Variants in EPHA4 observed in about 807,000 individuals in gnomAD.
EPHA4 encodes the protein ephrin type-A receptor 4.
Under a neutral mutation model 108.3 loss-of-function variants are expected in EPHA4, and 19 were observed. That is an observed-to-expected ratio of 0.18 (90% confidence interval 0.12 to 0.26). The LOEUF is 0.26. EPHA4 is among the 10% of genes least tolerant of loss of function. The pLI, the probability that EPHA4 is intolerant of heterozygous loss-of-function variation, is 1.00. For missense variants in EPHA4, 917 were observed against 1,254.0 expected (o/e 0.73, Z 4.06); for synonymous variants, 449 against 455.5 (o/e 0.99, Z 0.18).
chr2:221,525,706 A>G (rs966631896), intron 3 of EPHA4, among the ~76,000 whole-genome samples: 5 of 152,170 alleles, frequency 3.3e-5, no homozygotes, highest in African/African-American at 9.7e-5. Flanking sequence ...CCAGCACTCA[A>G]TACACCACTA....
At chr2:221,504,311 T>C (rs1013252092) in intron 3 of EPHA4, among the ~76,000 whole-genome samples, 3 of 152,010 alleles carry the variant, frequency 2.0e-5, no homozygotes, top group Admixed American at 2.0e-4. Flanking sequence ...TTGCTTTAAT[T>C]ATCTCTTTCT....
intron 4 of EPHA4, among the ~76,000 whole-genome samples, chr2:221,489,068 A>G (rs1207743924): frequency 6.6e-6 from 1 of 152,194 alleles, no homozygotes; most frequent in African/African-American, 2.4e-5. Context: ...AGCCAACACT[A>G]AACCTAAAGT....
chr2:221,435,522 C>T (rs137979776), intron 13 of EPHA4, among the ~76,000 whole-genome samples: 1 of 152,052 alleles, frequency 6.6e-6, no homozygotes, highest in Non-Finnish European at 1.5e-5. Context: ...ACAAAAAACC[C>T]CCATTGCTTG....
chr2:221,528,333 C>T (rs1002067554), intron 3 of EPHA4, among the ~76,000 whole-genome samples: 5 of 152,158 alleles, frequency 3.3e-5, no homozygotes, highest in Middle Eastern at 3.2e-3. Flanking sequence ...AATCCAGGCT[C>T]GGTAACCATT....
chr2:221,479,448 T>C (rs1410687699), intron 5 of EPHA4, among the ~76,000 whole-genome samples: 1 of 152,218 alleles, frequency 6.6e-6, no homozygotes, highest in Non-Finnish European at 1.5e-5. Context: ...CCACTAACTT[T>C]TGTAGCCTCC....
chr2:221,489,191 T>G (rs1175791927), intron 4 of EPHA4, among the ~76,000 whole-genome samples: 1 of 152,214 alleles, frequency 6.6e-6, no homozygotes. Context: ...ATTTCTTTAT[T>G]CTTACAGGAA....
chr2:221,564,475 A>T, intron 2 of EPHA4, 81 bp from the exon 3 acceptor site: 1 of 1,383,148 alleles, frequency 7.2e-7, no homozygotes, highest in Non-Finnish European at 9.9e-7. Context: ...TTCTCATAGG[A>T]CACCTGATTA....
intron 4 of EPHA4, among the ~76,000 whole-genome samples, chr2:221,487,163 G>A (rs1311242652): frequency 2.0e-5 from 3 of 152,118 alleles, no homozygotes; most frequent in Admixed American, 6.5e-5. Flanking sequence ...GGTGTATCTA[G>A]TGTTTATCAC....
At chr2:221,530,900 C>G (rs56874449) in intron 3 of EPHA4, among the ~76,000 whole-genome samples, 3,516 of 152,204 alleles carry the variant, frequency 0.023, 111 homozygotes, top group African/African-American at 0.071. Flanking sequence ...ACCACCTCCC[C>G]CTCCAAGTAC....
rs1251085367 is a variant in EPHA4 at position 221,418,790 on chromosome 2, C to A, written c.*2582G>T. The A allele has an allele frequency of 2.0e-5, 3 of 152,488 alleles. No homozygotes were observed. The highest frequency in any genetic ancestry group is 2.9e-5 in the Non-Finnish European group (2 of 68,068). 9.4% of individuals were successfully genotyped at this position (152,488 alleles called of 1,614,324 possible). Reference sequence around the variant, plus strand: ...CAGGGCTTGCCCACGGGCTCAGACCCAGACCCTGAAGTTGGCCTCCTACCC... The same window carrying A: ...CAGGGCTTGCCCACGGGCTCAGACCAAGACCCTGAAGTTGGCCTCCTACCC... On this transcript the variant is annotated 3_prime_UTR_variant, in exon 18 of 18. Transcript: ENST00000281821.
chr2:221,448,755 G>A (rs144741821), intron 8 of EPHA4, among the ~76,000 whole-genome samples: 2 of 152,076 alleles, frequency 1.3e-5, no homozygotes, highest in African/African-American at 2.4e-5. Context: ...TTAAGATCTC[G>A]AACACTGATT....
chr2:221,487,365 C>T (rs1462521474), intron 4 of EPHA4, among the ~76,000 whole-genome samples: 1 of 152,128 alleles, frequency 6.6e-6, no homozygotes, highest in African/African-American at 2.4e-5. Flanking sequence ...GCTGTGTAAC[C>T]AGCGACGGCT....
intron 3 of EPHA4, among the ~76,000 whole-genome samples, chr2:221,516,248 G>T (rs1316750699): frequency 6.6e-6 from 1 of 152,022 alleles, no homozygotes; most frequent in Non-Finnish European, 1.5e-5. Flanking sequence ...GTTTCTAGGG[G>T]TCAGTTTCCT....
At chr2:221,443,347 C>T in intron 10 of EPHA4, 146 bp downstream of exon 10, 1 of 600,692 alleles carries the variant, frequency 1.7e-6, no homozygotes, top group Non-Finnish European at 2.9e-6. Context: ...TTCTTTATAA[C>T]ACATGATATT....
chr2:221,520,736 C>T (rs1574630756), intron 3 of EPHA4, among the ~76,000 whole-genome samples: 1 of 152,162 alleles, frequency 6.6e-6, no homozygotes, highest in Non-Finnish European at 1.5e-5. Flanking sequence ...TTCATGTAAT[C>T]TCTGATTTTG....
In EPHA4 at chr2:221,442,893, C is replaced by T; in HGVS notation, c.2010G>A (p.Glu670=). ...GGTCAAACTGTCCCATGATGCTGGC[C>T]TCACTCAGGAAGTCTCTCCTCTGTT... ...TDKQRRDFLS[E]ASIMGQFDHP... The change falls in exon 11 of 18, where the codon GAG becomes GAA. Residue 670 remains glutamate (E), a synonymous_variant. Coordinates refer to ENST00000281821, the MANE Select transcript of EPHA4 (RefSeq NM_004438.5). 1.2e-6 allele frequency: 2 copies of T among 1,614,188 alleles called. No individual in the cohort carries two copies. Among genetic ancestry groups the T allele is most frequent in the East Asian group, 2.2e-5 (1 of 44,886 alleles).
intron 3 of EPHA4, among the ~76,000 whole-genome samples, chr2:221,525,709 C>T (rs931543411): frequency 9.2e-5 from 14 of 152,122 alleles, no homozygotes; most frequent in Non-Finnish European, 1.9e-4. Flanking sequence ...GCACTCAATA[C>T]ACCACTACCT....
At chr2:221,490,433 C>T (rs1692107014) in intron 4 of EPHA4, among the ~76,000 whole-genome samples, 1 of 152,080 alleles carries the variant, frequency 6.6e-6, no homozygotes, top group Non-Finnish European at 1.5e-5. Context: ...AATGCCTGGG[C>T]TATGAAATTC....
At chr2:221,498,234 A>G (rs1692361182) in intron 4 of EPHA4, among the ~76,000 whole-genome samples, 1 of 152,204 alleles carries the variant, frequency 6.6e-6, no homozygotes, top group Non-Finnish European at 1.5e-5. Flanking sequence ...TCAGAGATAC[A>G]TTTCATGACA....
Sources: gnomAD v4.1 joint callset for allele counts (sites outside exome capture counted in the v4.1 genomes callset) on GRCh38, gnomAD v4.1.1 for gene constraint, MANE v1.5 for transcripts, NCBI Gene and HGNC (gene_info 2026-07-23, HGNC 2026-07-21) for gene names.